The following TNR variants were observed in gnomAD, a reference collection of about 807,000 sequenced individuals.
TNR encodes tenascin-R.
In TNR, 45 loss-of-function variants were observed where a neutral mutation model predicts 150.4. The observed-to-expected ratio is 0.30, with a 90% CI of 0.24 to 0.38. The LOEUF (loss-of-function observed/expected upper bound fraction) is 0.38. Among genes scored for constraint, TNR ranks in the 10% least tolerant of loss-of-function variants. TNR has a pLI of 1.00. For synonymous variants in TNR, 687 were observed against 678.4 expected (o/e 1.01, Z -0.20); for missense variants, 1,544 against 1,759.1 (o/e 0.88, Z 2.19).
At chr1:175,351,564 T>A (rs948497808) in intron 18 of TNR, among the ~76,000 whole-genome samples, 1 of 152,240 alleles carries the variant, frequency 6.6e-6, no homozygotes, top group African/African-American at 2.4e-5. Flanking sequence ...GAGATTTGAC[T>A]ATTCAATTTA....
intron 2 of TNR, among the ~76,000 whole-genome samples, chr1:175,432,971 GA>G (rs1482252080): frequency 4.6e-5 from 7 of 152,160 alleles, no homozygotes; most frequent in African/African-American, 1.7e-4. Context: ...TGAAATGTAG[GA>G]GCTGACCACC....
At chr1:175,548,095 T>C (rs74127339) in intron 1 of TNR, among the ~76,000 whole-genome samples, 6,264 of 152,198 alleles carry the variant, frequency 0.041, 432 homozygotes, top group African/African-American at 0.14. Context: ...TAGGTCCTCG[T>C]TGAGTCCATG....
intron 1 of TNR, among the ~76,000 whole-genome samples, chr1:175,579,795 A>T (rs1427527835): frequency 6.6e-6 from 1 of 152,014 alleles, no homozygotes; most frequent in African/African-American, 2.4e-5. Context: ...TCTTTCCCAT[A>T]GTCCTTCCCT....
Position 175,409,492 on chromosome 1 carries a change from A to C in TNR, c.-63-2715T>G, listed in dbSNP as rs1183597871. On this transcript the variant is annotated intron_variant, in intron 2 of 22. Coordinates refer to ENST00000367674, the MANE Select transcript of TNR (RefSeq NM_003285.3). Reference sequence around the variant, plus strand: ...AAGGTACAGCTTTATGTGTAAAAAAACACTAAATACTTTAGTCGATAACTA... The same window carrying C: ...AAGGTACAGCTTTATGTGTAAAAAACCACTAAATACTTTAGTCGATAACTA... Among the ~76,000 whole-genome samples, 10 of 152,364 alleles carry C rather than the reference A, an allele frequency of 6.6e-5. No individual in the cohort carries two copies. In the East Asian group the frequency reaches 1.5e-3, roughly 23 times the overall value.
chr1:175,498,684 A>T (rs1658590926), intron 2 of TNR, among the ~76,000 whole-genome samples: 1 of 152,206 alleles, frequency 6.6e-6, no homozygotes. Flanking sequence ...GGAATATGGT[A>T]TTGGAGAAAA....
At chr1:175,331,042 T>TTTCTTTCTTTCCTTCCTTCCTTCC (rs1649765761) in intron 20 of TNR, among the ~76,000 whole-genome samples, 2 of 68,772 alleles carry the variant, frequency 2.9e-5, no homozygotes, top group African/African-American at 5.3e-5. Context: ...TCTTTCTTTC[T>TTTCTTTCTTTCCTTCCTTCCTTCC]TTCTTTCTTT....
At chr1:175,482,946 A>G (rs1279755931) in intron 2 of TNR, among the ~76,000 whole-genome samples, 2 of 152,252 alleles carry the variant, frequency 1.3e-5, no homozygotes, top group African/African-American at 4.8e-5. Flanking sequence ...GAAGTCTGCC[A>G]TTCCATTTTG....
chr1:175,712,466 G>A (rs1341748295), intron 1 of TNR, among the ~76,000 whole-genome samples: 1 of 152,150 alleles, frequency 6.6e-6, no homozygotes, highest in African/African-American at 2.4e-5. Context: ...CTGCAGGAAT[G>A]GGAAGGAAGG....
At chr1:175,661,924 A>T (rs1416075081) in intron 1 of TNR, among the ~76,000 whole-genome samples, 2 of 151,314 alleles carry the variant, frequency 1.3e-5, no homozygotes, top group Admixed American at 1.3e-4. Context: ...ACTGCTCATA[A>T]ACTTAAGACC....
chr1:175,391,222 A>G, intron 7 of TNR, 66 bp downstream of exon 7: 1 of 1,575,842 alleles, frequency 6.3e-7, no homozygotes, highest in Non-Finnish European at 8.6e-7. Flanking sequence ...CTCCTTGGGC[A>G]ATTCTGTGGT....
rs116118308 is a variant in TNR, at chr1:175,625,677, G to C, written c.-164-97308C>G. 1.7e-3 allele frequency among the ~76,000 whole-genome samples: 258 copies of C among 152,292 alleles called. 3 individuals are homozygous for C. The highest frequency in any genetic ancestry group is 6.0e-3 in the African/African-American group (249 of 41,562). On this transcript the variant is annotated intron_variant, in intron 1 of 22. Coordinates refer to ENST00000367674, the MANE Select transcript of TNR (RefSeq NM_003285.3). ...GGGCTCCCCACTACTTCCAGCCTTC[G>C]CCTGTGAGAGCAGGCACTGCAGAAG...
At chr1:175,445,218 C>T (rs1437157849) in intron 2 of TNR, among the ~76,000 whole-genome samples, 1 of 152,048 alleles carries the variant, frequency 6.6e-6, no homozygotes, top group Non-Finnish European at 1.5e-5. Context: ...TGCAGTGAGC[C>T]AAGATCGCAC....
chr1:175,717,327 T>C (rs1667181839), intron 1 of TNR, among the ~76,000 whole-genome samples: 1 of 152,158 alleles, frequency 6.6e-6, no homozygotes, highest in African/African-American at 2.4e-5. Context: ...AAAAACTAAC[T>C]ATTGGGTACT....
At chr1:175,698,067 T>C (rs1666584912) in intron 1 of TNR, among the ~76,000 whole-genome samples, 1 of 152,222 alleles carries the variant, frequency 6.6e-6, no homozygotes, top group South Asian at 2.1e-4. Context: ...GTTTCTCTCA[T>C]TAGCTGGACC....
intron 18 of TNR, among the ~76,000 whole-genome samples, chr1:175,352,449 G>T (rs754279061): frequency 1.3e-5 from 2 of 152,222 alleles, no homozygotes; most frequent in Non-Finnish European, 2.9e-5. Flanking sequence ...TCAATGGAAA[G>T]CTCCAACCCG....
intron 1 of TNR, among the ~76,000 whole-genome samples, chr1:175,548,687 G>A (rs926496001): frequency 1.3e-5 from 2 of 150,832 alleles, no homozygotes; most frequent in African/African-American, 4.9e-5. Flanking sequence ...AGGCGGGATG[G>A]GCAGGGAGCC....
intron 1 of TNR, among the ~76,000 whole-genome samples, chr1:175,726,627 G>A (rs1301581249): frequency 6.6e-6 from 1 of 152,202 alleles, no homozygotes; most frequent in African/African-American, 2.4e-5. Flanking sequence ...TTTTTCATTG[G>A]TTGTAGGTCA....
intron 2 of TNR, among the ~76,000 whole-genome samples, chr1:175,415,665 T>A (rs1654409422): frequency 6.6e-6 from 1 of 152,158 alleles, no homozygotes; most frequent in Non-Finnish European, 1.5e-5. Flanking sequence ...GAAACCTCAG[T>A]GGGTGGTATA....
In TNR at chr1:175,640,791, G is replaced by GTATATATATATATATATATATATATA. The variant is rs59240572; in HGVS notation, c.-165+102434_-165+102435insTATATATATATATATATATATATATA. 1.4e-4 allele frequency among the ~76,000 whole-genome samples: 20 copies of GTATATATATATATATATATATATATA among 143,682 alleles called. No individual in the cohort carries two copies. The East Asian group carries it at 1.4e-3, about 10-fold the overall frequency. The allele number at this position is 143,682 out of a possible 152,430, so 94.3% of individuals were successfully genotyped here. On this transcript the variant is annotated intron_variant, in intron 1 of 22. Coordinates refer to ENST00000367674, the MANE Select transcript of TNR (RefSeq NM_003285.3). ...AATATATATATGTGTGTGTGTGTGG[G>GTATATATATATATATATATATATATA]TATATATATATATATATATGATAAT...
Sources: gnomAD v4.1 joint callset for allele counts (sites outside exome capture counted in the v4.1 genomes callset) on GRCh38, gnomAD v4.1.1 for gene constraint, MANE v1.5 for transcripts, NCBI Gene and HGNC (gene_info 2026-07-23, HGNC 2026-07-21) for gene names.